OSBPL1A: variants seen among roughly 807,000 people sequenced by gnomAD.
OSBPL1A encodes the protein oxysterol binding protein like 1A, also known as oxysterol-binding protein-related protein 1.
Under a neutral mutation model 137.1 loss-of-function variants are expected in OSBPL1A, and 80 were observed. That is an observed-to-expected ratio of 0.58 (90% CI 0.49 to 0.70). The LOEUF is 0.70. OSBPL1A is among the 30% of genes least tolerant of loss of function. OSBPL1A has a pLI of 0.00. For synonymous variants in OSBPL1A, 365 were observed against 389.7 expected (o/e 0.94, Z 0.75); for missense variants, 970 against 1,129.4 (o/e 0.86, Z 2.02).
At chr18:24,168,992 A>T (rs1481851977) in intron 24 of OSBPL1A, among the ~76,000 whole-genome samples, 2 of 152,228 alleles carry the variant, frequency 1.3e-5, no homozygotes, top group African/African-American at 4.8e-5. Flanking sequence ...TCCTATTAGC[A>T]GGAGCTGCCG....
At position 24,324,603 on chromosome 18, in the gene OSBPL1A, T is replaced by TAA. The variant is rs71163674; in HGVS notation, c.626-5796_626-5795dup. On this transcript the variant is annotated intron_variant, in intron 7 of 27. Coordinates refer to ENST00000319481, the MANE Select transcript of OSBPL1A (RefSeq NM_080597.4). ...CCCAATAAAAACATGAATATGAATA[T>TAA]AAAAAAAAAAAAAAAAAAAAAAAAA... 1.9e-3 allele frequency among the ~76,000 whole-genome samples: 11 copies of TAA among 5,650 alleles called. 1 individual carries two copies. Among genetic ancestry groups the TAA allele is most frequent in the South Asian group, 6.0e-3 (2 of 334 alleles). The allele number at this position is 5,650 out of a possible 152,430, so 3.7% of individuals were successfully genotyped here.
rs751858248 is a variant in OSBPL1A at position 24,332,941 on chromosome 18, C to T, written c.625+1G>A. 56 of 1,613,396 alleles carry T rather than the reference C, an allele frequency of 3.5e-5. No homozygotes were observed. Among genetic ancestry groups the T allele is most frequent in the Non-Finnish European group, 4.5e-5 (53 of 1,179,782 alleles). The stretch of plus-strand genomic sequence containing the variant: ...ACGATGGTTTTCACCAATATGCTTA[C>T]CATTTTTGTTCTTCAGATTAGGGTC... On this transcript the variant is annotated splice_donor_variant, in intron 7 of 27. Coordinates refer to ENST00000319481, the MANE Select transcript of OSBPL1A (RefSeq NM_080597.4). LOFTEE classifies it high-confidence loss of function.
chr18:24,353,577 C>T lies in OSBPL1A; in HGVS notation c.283-11919G>A, dbSNP rs1016760235. 5.3e-5 allele frequency among the ~76,000 whole-genome samples: 8 copies of T among 151,496 alleles called. No individual in the cohort carries two copies. In the South Asian group the frequency reaches 8.4e-4, roughly 16 times the overall value. ...GCCATCCCATTACTGGGTATATACC[C>T]AAAGGATTATAAATCATGCTGCTAT... is the stretch of plus-strand genomic sequence containing the variant. On this transcript the variant is annotated intron_variant, in intron 4 of 27. Transcript: ENST00000319481.
chr18:24,202,818 G>A (rs1486102780), intron 17 of OSBPL1A, among the ~76,000 whole-genome samples: 3 of 152,164 alleles, frequency 2.0e-5, no homozygotes, highest in Admixed American at 6.5e-5. Flanking sequence ...AATTCACAAC[G>A]CTTGGTAATC....
Position 24,251,607 on chromosome 18 carries a change from C to A in OSBPL1A, c.1282-12225G>T, listed in dbSNP as rs559648421. On this transcript the variant is annotated intron_variant, in intron 15 of 27. Transcript: ENST00000319481. ...AAAGCCTTCTCAAGAAGGACAGGCA[C>A]AAACAAGCCTAGACTGTGAAAACTA... Among the ~76,000 whole-genome samples the A allele has an allele frequency of 3.3e-5, 5 of 152,308 alleles. No homozygotes were observed. In the East Asian group the frequency reaches 7.7e-4, roughly 24 times the overall value.
rs535929587 is a variant in OSBPL1A at position 24,308,006 on chromosome 18, G to T, written c.1092+3978C>A. On this transcript the variant is annotated intron_variant, in intron 13 of 27. Coordinates refer to ENST00000319481, the MANE Select transcript of OSBPL1A (RefSeq NM_080597.4). Reference sequence around the variant, plus strand: ...TCACCATGTTGGCTAGGCTTGTCTCGAACTCCTGGCCTCATGTGATCTGCC... The same window carrying T: ...TCACCATGTTGGCTAGGCTTGTCTCTAACTCCTGGCCTCATGTGATCTGCC... Among the ~76,000 whole-genome samples, 8 of 151,974 alleles carry T rather than the reference G, an allele frequency of 5.3e-5. No homozygotes were observed. In the South Asian group the frequency reaches 1.7e-3, roughly 32 times the overall value.
chr18:24,376,255 G>A lies in OSBPL1A; in HGVS notation c.121+1158C>T, dbSNP rs553635500. ...TGGTACCTTTACAATCCCTGAGTTA[G>A]ACACAAAGGTTCTCCACATCCTCAC... is the stretch of plus-strand genomic sequence containing the variant. On this transcript the variant is annotated intron_variant, in intron 2 of 27. Transcript: ENST00000319481. 8.5e-5 allele frequency among the ~76,000 whole-genome samples: 13 copies of A among 152,262 alleles called. No individual in the cohort carries two copies. The South Asian group carries it at 2.7e-3, about 32-fold the overall frequency.
chr18:24,295,523 A>T (rs2090273252), intron 14 of OSBPL1A, among the ~76,000 whole-genome samples: 1 of 152,178 alleles, frequency 6.6e-6, no homozygotes. Context: ...ATCTTCTAGA[A>T]TTGTTAGGCT....
At chr18:24,186,099 T>C (rs1404185130) in intron 18 of OSBPL1A, among the ~76,000 whole-genome samples, 1 of 152,132 alleles carries the variant, frequency 6.6e-6, no homozygotes, top group African/African-American at 2.4e-5. Flanking sequence ...AGAAAATGAA[T>C]TTTGATGAAT....
chr18:24,363,889 T>C (rs586733), intron 4 of OSBPL1A, among the ~76,000 whole-genome samples: 1,823 of 152,038 alleles, frequency 0.012, 34 homozygotes, highest in African/African-American at 0.042. Context: ...CCTTCCACCT[T>C]GGCCTCCCAA....
chr18:24,307,313 T>C (rs1241705337), intron 13 of OSBPL1A, among the ~76,000 whole-genome samples: 3 of 152,028 alleles, frequency 2.0e-5, no homozygotes, highest in Non-Finnish European at 1.5e-5. Flanking sequence ...CCATACTCCA[T>C]CTTTCCTAAG....
chr18:24,333,156 G>A, intron 6 of OSBPL1A, 70 bp from the exon 7 acceptor site: 1 of 1,535,736 alleles, frequency 6.5e-7, no homozygotes, highest in Non-Finnish European at 8.9e-7. Context: ...ATTCACAGGA[G>A]GGTGTATCAG....
At position 24,271,767 on chromosome 18, in the gene OSBPL1A, C is replaced by G. The variant is rs935788202; in HGVS notation, c.1281+9075G>C. On this transcript the variant is annotated intron_variant, in intron 15 of 27. Transcript: ENST00000319481. This position sits in a 1 kb window ranked among gnomAD's most constrained non-coding sequence, Gnocchi z 4.0. Reference sequence around the variant, plus strand: ...CCGGGAGGCGCGACCCAGGGCGGCCCGCAAGGTCTCCCTAAGTCACCTTTG... The same window carrying G: ...CCGGGAGGCGCGACCCAGGGCGGCCGGCAAGGTCTCCCTAAGTCACCTTTG... The G allele has an allele frequency of 1.0e-6, 1 of 985,386 alleles. No individual in the cohort carries two copies. The highest frequency in any genetic ancestry group is 1.2e-6 in the Non-Finnish European group (1 of 830,030). 61.0% of individuals were successfully genotyped at this position (985,386 alleles called of 1,614,324 possible).
intron 15 of OSBPL1A, among the ~76,000 whole-genome samples, chr18:24,243,002 A>C (rs1277845174): frequency 6.6e-6 from 1 of 152,126 alleles, no homozygotes; most frequent in East Asian, 1.9e-4. Flanking sequence ...CAAGGACTAC[A>C]TGAGGCGGGC....
intron 15 of OSBPL1A, among the ~76,000 whole-genome samples, chr18:24,275,858 G>A (rs916395496): frequency 6.6e-6 from 1 of 152,030 alleles, no homozygotes; most frequent in South Asian, 2.1e-4. Flanking sequence ...CTCCCGAGTA[G>A]CTGGGATTAC....
intron 2 of OSBPL1A, among the ~76,000 whole-genome samples, chr18:24,376,150 T>A (rs1906114943): frequency 6.6e-6 from 1 of 152,192 alleles, no homozygotes; most frequent in Non-Finnish European, 1.5e-5. Flanking sequence ...TCCGGCAGCC[T>A]GCTGTTATTC....
chr18:24,236,229 C>G (rs576460121), intron 16 of OSBPL1A, among the ~76,000 whole-genome samples: 1 of 152,188 alleles, frequency 6.6e-6, no homozygotes, highest in East Asian at 1.9e-4. Flanking sequence ...TTTAGTTATA[C>G]AATATTGAAA....
chr18:24,306,565 A>T (rs2090505135), intron 13 of OSBPL1A, among the ~76,000 whole-genome samples: 1 of 152,166 alleles, frequency 6.6e-6, no homozygotes, highest in African/African-American at 2.4e-5. Flanking sequence ...ATTTACATGA[A>T]ATTCTACAAC....
At chr18:24,175,529 T>C (rs1225115829) in intron 21 of OSBPL1A, among the ~76,000 whole-genome samples, 2 of 152,196 alleles carry the variant, frequency 1.3e-5, no homozygotes, top group Non-Finnish European at 2.9e-5. Flanking sequence ...TCTTTATATA[T>C]TGTGGCTACA....
Sources: gnomAD v4.1 joint callset for allele counts (sites outside exome capture counted in the v4.1 genomes callset) on GRCh38, gnomAD v4.1.1 for gene constraint, Gnocchi (gnomAD v3.1) non-coding constraint, MANE v1.5 for transcripts, NCBI Gene and HGNC (gene_info 2026-07-23, HGNC 2026-07-21) for gene names.